ULK4: variants seen among roughly 807,000 people sequenced by gnomAD.
The protein encoded by ULK4 is inactive serine/threonine-protein kinase ULK4.
ULK4 carries 133 observed loss-of-function variants against 160.6 expected under a neutral mutation model. The ratio of observed to expected loss-of-function variants is 0.83; its 90% CI spans 0.72 to 0.96. The LOEUF is 0.96. ULK4 is among the 40% of genes least tolerant of loss of function. The pLI is 0.00. For missense variants in ULK4, 1,580 were observed against 1,499.5 expected, an observed-to-expected ratio of 1.05 and a Z score of -0.89; for synonymous variants, 534 against 539.8, an observed-to-expected ratio of 0.99 and a Z score of 0.15.
At position 41,280,256 on chromosome 3, in the gene ULK4, A is replaced by G. The variant is rs1319572960; in HGVS notation, c.3679-30682T>C. ...TCAATATTAGACAGATCAACGAGAC[A>G]GAAGGTTAACAAGGATATCCAGGAC... On this transcript the variant is annotated intron_variant, in intron 35 of 36. Coordinates refer to ENST00000301831, the MANE Select transcript of ULK4 (RefSeq NM_017886.4). Among the ~76,000 whole-genome samples, 7 of 152,226 alleles carry G rather than the reference A, an allele frequency of 4.6e-5. No individual in the cohort carries two copies. In the East Asian group the frequency reaches 1.2e-3, roughly 25 times the overall value.
At chr3:41,936,067 C>A (rs1449357061) in intron 3 of ULK4, 127 bp from the exon 4 acceptor site, 6 of 1,205,648 alleles carry the variant, frequency 5.0e-6, no homozygotes, top group African/African-American at 4.6e-5. Context: ...ACAGCCTGGT[C>A]AAGGAACACA....
In ULK4 at chr3:41,388,812, C is replaced by G. The variant is rs55954224; in HGVS notation, c.3678+9267G>C. Among the ~76,000 whole-genome samples, 268 of 151,988 alleles carry G rather than the reference C, an allele frequency of 1.8e-3. 1 individual carries two copies. Among genetic ancestry groups the G allele is most frequent in the African/African-American group, 5.3e-3 (221 of 41,476 alleles). Reference sequence around the variant, plus strand: ...ATAGTTTGAAGTCAGGTAGCATGATCCCTCCAGCTTTGTTCTTTTGGCTTA... The same window carrying G: ...ATAGTTTGAAGTCAGGTAGCATGATGCCTCCAGCTTTGTTCTTTTGGCTTA... On this transcript the variant is annotated intron_variant, in intron 35 of 36. Coordinates refer to ENST00000301831, the MANE Select transcript of ULK4 (RefSeq NM_017886.4).
intron 32 of ULK4, among the ~76,000 whole-genome samples, chr3:41,495,191 C>T (rs1476462513): frequency 6.6e-6 from 1 of 152,152 alleles, no homozygotes; most frequent in Non-Finnish European, 1.5e-5. Flanking sequence ...TACAAGGCTA[C>T]AGTAACCAAA....
chr3:41,356,815 G>A (rs765066863), intron 35 of ULK4, among the ~76,000 whole-genome samples: 5 of 152,200 alleles, frequency 3.3e-5, no homozygotes, highest in African/African-American at 1.2e-4. Context: ...CTTCAAGGGA[G>A]AGAAAGGAGT....
At chr3:41,530,275 A>G (rs969163659) in intron 32 of ULK4, among the ~76,000 whole-genome samples, 1 of 152,160 alleles carries the variant, frequency 6.6e-6, no homozygotes, top group Admixed American at 6.5e-5. Flanking sequence ...CCACAACTCT[A>G]AGGAAGGGGG....
At chr3:41,953,312 T>G (rs1175792458) in intron 2 of ULK4, among the ~76,000 whole-genome samples, 6 of 40,132 alleles carry the variant, frequency 1.5e-4, no homozygotes, top group African/African-American at 2.9e-4. Flanking sequence ...ATATTTTTTT[T>G]TTTTTTTGAG....
At chr3:41,347,114 C>A (rs1166013824) in intron 35 of ULK4, among the ~76,000 whole-genome samples, 2 of 151,976 alleles carry the variant, frequency 1.3e-5, no homozygotes, top group African/African-American at 2.4e-5. Flanking sequence ...AGATTTATAC[C>A]TTTTTCTGAA....
At position 41,364,706 on chromosome 3, in the gene ULK4, A is replaced by G. The variant is rs138920316; in HGVS notation, c.3678+33373T>C. Among the ~76,000 whole-genome samples, 1,503 of 152,326 alleles carry G rather than the reference A, an allele frequency of 9.9e-3. 18 individuals are homozygous for G. Among genetic ancestry groups the G allele is most frequent in the African/African-American group, 0.034 (1,418 of 41,566 alleles). ...CCAAGTGGATGTTAGCAGGCCTTCTAGAAATACACAAACAAACACAAATTG... is the reference window on the plus strand; with the variant it reads ...CCAAGTGGATGTTAGCAGGCCTTCTGGAAATACACAAACAAACACAAATTG... On this transcript the variant is annotated intron_variant, in intron 35 of 36. Coordinates refer to ENST00000301831, the MANE Select transcript of ULK4 (RefSeq NM_017886.4).
chr3:41,628,680 T>C (rs9824775), intron 30 of ULK4, among the ~76,000 whole-genome samples: 36,807 of 152,052 alleles, frequency 0.24, 4,662 homozygotes, highest in Admixed American at 0.29. Context: ...AAGTATATCA[T>C]TTGGAAAATG....
At chr3:41,814,651 C>G (rs1242902538) in intron 19 of ULK4, among the ~76,000 whole-genome samples, 1 of 152,026 alleles carries the variant, frequency 6.6e-6, no homozygotes, top group Non-Finnish European at 1.5e-5. Flanking sequence ...TGTATTTTGA[C>G]TGCTAGTTAT....
At chr3:41,640,752 C>T (rs1304420116) in intron 30 of ULK4, among the ~76,000 whole-genome samples, 3 of 152,102 alleles carry the variant, frequency 2.0e-5, no homozygotes, top group Non-Finnish European at 4.4e-5. Context: ...ATACTTTAAG[C>T]AGAAATTCAA....
intron 35 of ULK4, among the ~76,000 whole-genome samples, chr3:41,321,279 T>A (rs976430041): frequency 5.3e-5 from 8 of 152,252 alleles, no homozygotes; most frequent in African/African-American, 1.9e-4. Flanking sequence ...TGAAAAGAGA[T>A]AGGGATATAA....
chr3:41,392,276 C>G (rs1156447535), intron 35 of ULK4, among the ~76,000 whole-genome samples: 2 of 152,122 alleles, frequency 1.3e-5, no homozygotes, highest in African/African-American at 2.4e-5. Context: ...TAGGTTTCTT[C>G]AACATTCTCT....
intron 30 of ULK4, among the ~76,000 whole-genome samples, chr3:41,625,629 T>C (rs887727383): frequency 6.6e-6 from 1 of 152,192 alleles, no homozygotes; most frequent in African/African-American, 2.4e-5. Flanking sequence ...TATTCAATAA[T>C]CATAGCAGAT....
chr3:41,556,629 A>T (rs7617336), intron 32 of ULK4, among the ~76,000 whole-genome samples: 77,343 of 151,406 alleles, frequency 0.51, 19,850 homozygotes, highest in Middle Eastern at 0.58. Flanking sequence ...CTGGGACTAC[A>T]GGCACGTGCC....
intron 32 of ULK4, among the ~76,000 whole-genome samples, chr3:41,479,072 CA>C (rs1299501639): frequency 6.6e-6 from 1 of 152,302 alleles, no homozygotes; most frequent in East Asian, 1.9e-4. Flanking sequence ...GGTCTATCCC[CA>C]AAAACCTGAA....
intron 35 of ULK4, among the ~76,000 whole-genome samples, chr3:41,337,350 C>G (rs1367244551): frequency 6.6e-6 from 1 of 152,138 alleles, no homozygotes; most frequent in African/African-American, 2.4e-5. Context: ...GGAATAAGAA[C>G]TGTCATCTCT....
intron 32 of ULK4, among the ~76,000 whole-genome samples, chr3:41,508,800 G>T (rs2085479792): frequency 6.6e-6 from 1 of 152,144 alleles, no homozygotes; most frequent in Non-Finnish European, 1.5e-5. Context: ...AGAGCACCCT[G>T]TGGGACAAAA....
intron 21 of ULK4, among the ~76,000 whole-genome samples, chr3:41,754,945 G>C (rs144705901): frequency 2.0e-3 from 311 of 152,258 alleles, no homozygotes; most frequent in African/African-American, 7.2e-3. Flanking sequence ...GGGCTTAACA[G>C]ATATAAAGAC....
Sources: allele counts gnomAD v4.1 joint callset (sites outside exome capture counted in the v4.1 genomes callset), GRCh38; gene constraint gnomAD v4.1.1; transcripts MANE v1.5; gene names NCBI Gene and HGNC (gene_info 2026-07-23, HGNC 2026-07-21).